The following LRRC73 variants were observed in gnomAD, a reference collection of about 807,000 sequenced individuals.
LRRC73 encodes leucine-rich repeat-containing protein 73.
A neutral mutation model predicts 26.4 loss-of-function variants in LRRC73; 16 were observed. That is an observed-to-expected ratio of 0.61 (90% confidence interval 0.41 to 0.92). LRRC73 has a LOEUF of 0.92. Ranked by LOEUF, LRRC73 falls within the 40% of genes least tolerant of loss-of-function variation. The pLI, the probability that LRRC73 is intolerant of heterozygous loss-of-function variation, is 0.00. For missense variants in LRRC73, 344 were observed against 416.3 expected (o/e 0.83, Z 1.51); for synonymous variants, 210 against 179.8 (o/e 1.17, Z -1.34).
rs778487300 is a variant in LRRC73, at chr6:43,507,587, A to G, written c.749T>C (p.Ile250Thr). ...CTCTCCCTCAGAGAGGAGGTCACAG[A>G]TCTGTTGCTGCAGCTCTGGGCTAAT... is the stretch of plus-strand genomic sequence containing the variant. The change falls in exon 5 of 6, where the codon ATC becomes ACC. Residue 250 changes from isoleucine (I) to threonine (T), a missense_variant. Coordinates refer to ENST00000372441, the Ensembl canonical transcript of LRRC73. 6.2e-7 allele frequency: 1 copy of G among 1,613,938 alleles called. No homozygotes were observed.
chr6:43,507,148 C>T (rs1792514516), exon 6 of LRRC73: 3 of 1,418,444 alleles, frequency 2.1e-6, no homozygotes, highest in Admixed American at 1.9e-5. Flanking sequence ...CCCCAGTTCC[C>T]TCCCAAGTCC....
In LRRC73 at chr6:43,508,921, C is replaced by T. The variant is rs1210996334; in HGVS notation, c.273-1G>A. ...ATCTGTCAGGGGGCTCCCATGCAGG[C>T]TGGAGGAGAGTGAGAGAGCAGGGTT... On this transcript the variant is annotated splice_acceptor_variant, in intron 1 of 5. Coordinates refer to ENST00000372441, the Ensembl canonical transcript of LRRC73. LOFTEE classifies it high-confidence loss of function. The T allele has an allele frequency of 2.5e-6, 4 of 1,594,758 alleles. No homozygotes were observed. The African/African-American group carries it at 5.4e-5, about 21-fold the overall frequency.
At chr6:43,508,263 CAG>C (rs758684175) in intron 3 of LRRC73, 33 bp downstream of exon 3, 3 of 1,583,728 alleles carry the variant, frequency 1.9e-6, no homozygotes, top group Non-Finnish European at 2.6e-6. Context: ...GGGCATGAGG[CAG>C]TGACAGCCCA....
exon 1 of LRRC73, chr6:43,509,942 G>C (rs1419819907): frequency 5.9e-5 from 30 of 508,294 alleles, no homozygotes; most frequent in Non-Finnish European, 6.0e-6. Flanking sequence ...GGCTGCGGCT[G>C]CGGCGGAGGC....
chr6:43,508,219 A>G, intron 3 of LRRC73, 79 bp downstream of exon 3: 10 of 1,523,800 alleles, frequency 6.6e-6, no homozygotes, highest in Non-Finnish European at 6.2e-6. Context: ...TGTACGGGTT[A>G]CCATGTCAAC....
chr6:43,510,342 C>G (rs115522086), exon 1 of LRRC73: 4,984 of 152,516 alleles, frequency 0.033, 264 homozygotes, highest in African/African-American at 0.11. Flanking sequence ...GCTCCAGCTC[C>G]AGAGAGCGAG....
At position 43,507,930 on chromosome 6, in the gene LRRC73, G is replaced by A. The variant is rs374614322; in HGVS notation, c.557-4C>T. 16 of 1,613,064 alleles carry A rather than the reference G, an allele frequency of 9.9e-6. No homozygotes were observed. Among genetic ancestry groups the A allele is most frequent in the Middle Eastern group, 1.6e-4 (1 of 6,084 alleles). ...AGCATTCCTGCCACATGGTCACCTGGGGAGACAACACACGTGCACACATTC... is the reference window on the plus strand; with the variant it reads ...AGCATTCCTGCCACATGGTCACCTGAGGAGACAACACACGTGCACACATTC... On this transcript the variant is annotated splice_region_variant and splice_polypyrimidine_tract_variant and intron_variant, in intron 3 of 5. Coordinates refer to ENST00000372441, the Ensembl canonical transcript of LRRC73.
chr6:43,508,860 G>A, exon 2 of LRRC73: 1 of 1,612,870 alleles, frequency 6.2e-7, no homozygotes, highest in Non-Finnish European at 8.5e-7. Context: ...GGGCAGGGTG[G>A]AGGGCCAGGG....
At chr6:43,509,582 C>T (rs1224269325) in exon 1 of LRRC73, 1 of 1,608,758 alleles carries the variant, frequency 6.2e-7, no homozygotes, top group African/African-American at 1.3e-5. Context: ...TGGGGCTGGA[C>T]ACGACGCCCA....
chr6:43,507,655 A>G (rs1241862003), exon 5 of LRRC73: 2 of 1,614,020 alleles, frequency 1.2e-6, no homozygotes, highest in Non-Finnish European at 1.7e-6. Context: ...CTGTGGGGTA[A>G]TTTTCTACCA....
At chr6:43,508,066 C>T in intron 3 of LRRC73, 140 bp from the exon 4 acceptor site, 1 of 979,944 alleles carries the variant, frequency 1.0e-6, no homozygotes, top group Admixed American at 2.5e-5. Flanking sequence ...AGGAAGGGAT[C>T]ATTGTGATTG....
At chr6:43,507,925 A>T in exon 4 of LRRC73, 1 of 1,613,590 alleles carries the variant, frequency 6.2e-7, no homozygotes. Context: ...CCACATGGTC[A>T]CCTGGGGAGA....
chr6:43,507,436 T>C lies in LRRC73; in HGVS notation c.880+20A>G. 6.2e-7 allele frequency: 1 copy of C among 1,612,702 alleles called. No homozygotes were observed. The highest frequency in any genetic ancestry group is 8.5e-7 in the Non-Finnish European group (1 of 1,179,708). On this transcript the variant is annotated intron_variant, in intron 5 of 5. Transcript: ENST00000372441. ...GAGCCTCTTCCAGACCTGGCTCTGA[T>C]CAACCCTCTGGGTTCTTACCGCTGG...
At chr6:43,509,637 C>T (rs1272922204) in exon 1 of LRRC73, 1 of 1,600,818 alleles carries the variant, frequency 6.2e-7, no homozygotes, top group Non-Finnish European at 8.5e-7. Flanking sequence ...GGCCAGGGCC[C>T]GGCAGATGCG....
At position 43,509,542 on chromosome 6, in the gene LRRC73, G is replaced by A. The variant is rs766511780; in HGVS notation, c.244C>T (p.Arg82Trp). The A allele has an allele frequency of 3.7e-6, 6 of 1,609,228 alleles. No individual in the cohort carries two copies. The highest frequency in any genetic ancestry group is 5.1e-6 in the Non-Finnish European group (6 of 1,178,830). The change falls in exon 1 of 6, where the codon CGG (arginine) becomes TGG (tryptophan). Residue 82 changes from arginine (R) to tryptophan (W), a missense_variant. Coordinates refer to ENST00000372441, the Ensembl canonical transcript of LRRC73. ...AGGGACTGGATGGAGCGGTTGGTCC[G>A]CAGAGCCTCAGCCAGCTGCTTGATG...
At chr6:43,509,543 C>T (rs1561850480) in exon 1 of LRRC73, 2 of 1,609,374 alleles carry the variant, frequency 1.2e-6, no homozygotes, top group Non-Finnish European at 1.7e-6. Flanking sequence ...GGTTGGTCCG[C>T]AGAGCCTCAG....
Position 43,509,498 on chromosome 6 carries a change from G to T in LRRC73, c.272+16C>A. The T allele has an allele frequency of 6.3e-7, 1 of 1,592,348 alleles. No homozygotes were observed. Among genetic ancestry groups the T allele is most frequent in the East Asian group, 2.3e-5 (1 of 44,394 alleles). On this transcript the variant is annotated intron_variant, in intron 1 of 5. Transcript: ENST00000372441. ...GGTGCAGTGCCCGGGACCCCCTTGC[G>T]AGGGGGCGCACTCACAAGAGGGACT...
chr6:43,508,927 G>C lies in LRRC73; in HGVS notation c.273-7C>G, dbSNP rs767928254. The stretch of plus-strand genomic sequence containing the variant: ...CAGGGGGCTCCCATGCAGGCTGGAG[G>C]AGAGTGAGAGAGCAGGGTTACTGCA... On this transcript the variant is annotated splice_polypyrimidine_tract_variant and splice_region_variant and intron_variant, in intron 1 of 5. Transcript: ENST00000372441. 1.3e-6 allele frequency: 2 copies of C among 1,586,328 alleles called. No individual in the cohort carries two copies. The highest frequency in any genetic ancestry group is 1.7e-6 in the Non-Finnish European group (2 of 1,164,932).
exon 1 of LRRC73, chr6:43,510,298 G>C (rs1792626641): frequency 6.5e-6 from 1 of 152,964 alleles, no homozygotes; most frequent in African/African-American, 2.4e-5. Flanking sequence ...GGCTGGCAGA[G>C]AGAGCCTGAG....
Sources: gnomAD v4.1 joint callset for allele counts on GRCh38, gnomAD v4.1.1 for gene constraint, MANE v1.5 for transcripts, NCBI Gene and HGNC (gene_info 2026-07-23, HGNC 2026-07-21) for gene names.